CENPH: variants seen among roughly 807,000 people sequenced by gnomAD.
CENPH encodes CENP-H.
CENPH carries 40 observed loss-of-function variants against 42.9 expected under a neutral mutation model. The ratio of observed to expected loss-of-function variants is 0.93; its 90% CI spans 0.72 to 1.21. The LOEUF (loss-of-function observed/expected upper bound fraction) is 1.21. Among genes scored for constraint, CENPH ranks in the 50% most tolerant of loss-of-function variants. CENPH has a pLI of 0.00. For synonymous variants in CENPH, 88 were observed against 96.5 expected, an observed-to-expected ratio of 0.91 and a Z score of 0.52; for missense variants, 302 against 292.9, an observed-to-expected ratio of 1.03 and a Z score of -0.23.
intron 4 of CENPH, 86 bp from the exon 5 acceptor site, chr5:69,196,967 A>T (rs545574284): frequency 2.6e-5 from 21 of 800,734 alleles, no homozygotes; most frequent in Non-Finnish European, 4.2e-5. Context: ...TTTGAAGGGA[A>T]ATCAATCTTT....
chr5:69,193,116 A>AATATAT (rs373671258), intron 2 of CENPH, among the ~76,000 whole-genome samples: 1 of 150,036 alleles, frequency 6.7e-6, no homozygotes, highest in Non-Finnish European at 1.5e-5. Flanking sequence ...AAACAAACAA[A>AATATAT]ATATATATAT....
intron 2 of CENPH, 39 bp from the exon 3 acceptor site, chr5:69,194,608 C>G: frequency 7.7e-7 from 1 of 1,298,538 alleles, no homozygotes; most frequent in South Asian, 1.3e-5. Flanking sequence ...CAGCACCTCT[C>G]TAAAATGTTA....
chr5:69,204,097 A>G (rs931873089), intron 7 of CENPH, among the ~76,000 whole-genome samples: 2 of 130,848 alleles, frequency 1.5e-5, no homozygotes, highest in Non-Finnish European at 3.2e-5. Flanking sequence ...TAATTTCTAA[A>G]TGATCAAATG....
Position 69,203,389 on chromosome 5 carries a change from C to T in CENPH, c.487+419C>T, listed in dbSNP as rs2972376. The stretch of plus-strand genomic sequence containing the variant: ...TTAATATGGTATTTTTTTTTGGAGA[C>T]AGAATCTCACTCTGTCGCCCATGCT... On this transcript the variant is annotated intron_variant, in intron 7 of 8. Transcript: ENST00000283006. Among the ~76,000 whole-genome samples, 91 of 151,854 alleles carry T rather than the reference C, an allele frequency of 6.0e-4. 1 individual carries two copies. The East Asian group carries it at 0.015, about 26-fold the overall frequency.
Position 69,191,132 on chromosome 5 carries a change from C to G in CENPH, c.135-663C>G, listed in dbSNP as rs182044061. 2.0e-5 allele frequency among the ~76,000 whole-genome samples: 3 copies of G among 152,244 alleles called. No homozygotes were observed. The East Asian group carries it at 5.8e-4, about 29-fold the overall frequency. On this transcript the variant is annotated intron_variant, in intron 1 of 8. Coordinates refer to ENST00000283006, the MANE Select transcript of CENPH (RefSeq NM_022909.4). ...TTTTTCTGTATCTCCTGATAAAAAT[C>G]TGTGTTTGTAAATACAGTGGTTTGG...
intron 1 of CENPH, 22 bp downstream of exon 1, chr5:69,189,790 A>T (rs1230002816): frequency 3.5e-6 from 5 of 1,428,868 alleles, no homozygotes; most frequent in South Asian, 1.4e-5. Context: ...TGGCCTCCTC[A>T]GCCGGGGCCA....
In CENPH at chr5:69,189,722, G is replaced by T; in HGVS notation, c.88G>T (p.Gly30Cys). The T allele has an allele frequency of 6.4e-7, 1 of 1,558,632 alleles. No individual in the cohort carries two copies. Among genetic ancestry groups the T allele is most frequent in the East Asian group, 2.4e-5 (1 of 42,372 alleles). ...GRAGGPPQVA[G>C]AQAACSEDRM... ...GGCAGGCGGGCCACCGCAGGTCGCCGGCGCCCAGGCGGCGTGCAGCGAGGA... is the reference window on the plus strand; with the variant it reads ...GGCAGGCGGGCCACCGCAGGTCGCCTGCGCCCAGGCGGCGTGCAGCGAGGA... The change falls in exon 1 of 9, where the codon GGC becomes TGC. Residue 30 changes from glycine (G) to cysteine (C), a missense_variant. Physicochemically the swap from Gly to Cys is radical, Grantham distance 159. Coordinates refer to ENST00000283006, the MANE Select transcript of CENPH (RefSeq NM_022909.4).
chr5:69,198,289 T>C (rs868446302), intron 5 of CENPH, among the ~76,000 whole-genome samples: 5 of 152,016 alleles, frequency 3.3e-5, no homozygotes, highest in Middle Eastern at 3.4e-3. Flanking sequence ...ACCAGAAAAA[T>C]TCCTGCATGG....
At chr5:69,197,626 G>A (rs1394815403) in intron 5 of CENPH, 1 of 152,092 alleles carries the variant, frequency 6.6e-6, no homozygotes, top group African/African-American at 2.4e-5. Context: ...CACAGGAAGG[G>A]GAACATCACA....
intron 3 of CENPH, 42 bp downstream of exon 3, chr5:69,194,737 AT>A: frequency 8.4e-7 from 1 of 1,195,158 alleles, no homozygotes; most frequent in Non-Finnish European, 1.2e-6. Context: ...CTTTACTAAG[AT>A]TTAATCATAT....
chr5:69,207,588 A>G (rs1038983498), intron 7 of CENPH: 1 of 151,476 alleles, frequency 6.6e-6, no homozygotes, highest in African/African-American at 2.4e-5. Context: ...CGGGTGGATC[A>G]CTGGAGGTCA....
At chr5:69,194,777 C>G (rs1747936381) in intron 3 of CENPH, 82 bp downstream of exon 3, 1 of 875,340 alleles carries the variant, frequency 1.1e-6, no homozygotes, top group East Asian at 2.7e-5. Flanking sequence ...TAGATGGAGT[C>G]TCACTATCAT....
intron 5 of CENPH, among the ~76,000 whole-genome samples, chr5:69,201,789 G>T (rs1580227776): frequency 6.6e-6 from 1 of 152,196 alleles, no homozygotes; most frequent in Non-Finnish European, 1.5e-5. Flanking sequence ...AGCCCAGGAG[G>T]TGAGGTTGCA....
chr5:69,197,111 TATG>T lies in CENPH; in HGVS notation c.371+5_371+7del. On this transcript the variant is annotated splice_donor_5th_base_variant and intron_variant, in intron 5 of 8. Coordinates refer to ENST00000283006, the MANE Select transcript of CENPH (RefSeq NM_022909.4). ...GGAGAAAATTAGCAGACAGTCTAGG[TATG>T]ATTTTTTTTTTCTCTGGATTCGGTA... 6.4e-7 allele frequency: 1 copy of T among 1,558,438 alleles called. No homozygotes were observed. The highest frequency in any genetic ancestry group is 2.3e-5 in the East Asian group (1 of 43,078).
In CENPH at chr5:69,209,330, G is replaced by T. The variant is rs539976623; in HGVS notation, c.652-377G>T. On this transcript the variant is annotated intron_variant, in intron 8 of 8. Coordinates refer to ENST00000283006, the MANE Select transcript of CENPH (RefSeq NM_022909.4). ...GAGGTCAGGAGTTTGAGGCCAGCCT[G>T]GCCAAGAGACCAGCTGAGCCAATAC... Among the ~76,000 whole-genome samples the T allele has an allele frequency of 2.5e-4, 38 of 152,120 alleles. 1 individual carries two copies. Among genetic ancestry groups the T allele is most frequent in the South Asian group, 1.5e-3 (7 of 4,814 alleles).
chr5:69,189,737 T>A lies in CENPH; in HGVS notation c.103T>A (p.Cys35Ser). ...PPQVAGAQAA[C>S]SEDRMTLLLR... ...GCAGGTCGCCGGCGCCCAGGCGGCG[T>A]GCAGCGAGGACCGCATGACCCTGCT... The change falls in exon 1 of 9, where the codon TGC (cysteine) becomes AGC (serine). Residue 35 changes from cysteine to serine, a missense_variant. Transcript: ENST00000283006. The A allele has an allele frequency of 6.5e-7, 1 of 1,550,236 alleles. No individual in the cohort carries two copies. Among genetic ancestry groups the A allele is most frequent in the Non-Finnish European group, 8.7e-7 (1 of 1,151,254 alleles).
intron 1 of CENPH, among the ~76,000 whole-genome samples, chr5:69,190,184 A>G (rs185236763): frequency 6.6e-6 from 1 of 152,312 alleles, no homozygotes; most frequent in East Asian, 1.9e-4. Context: ...AATTCTACTA[A>G]GCGGACGGTG....
intron 5 of CENPH, among the ~76,000 whole-genome samples, chr5:69,201,785 G>A (rs1000623805): frequency 6.6e-6 from 1 of 152,204 alleles, no homozygotes; most frequent in Non-Finnish European, 1.5e-5. Flanking sequence ...CTTGAGCCCA[G>A]GAGGTGAGGT....
Position 69,195,728 on chromosome 5 carries a change from A to G in CENPH, c.251A>G (p.Asp84Gly), listed in dbSNP as rs746283408. 1.2e-5 allele frequency: 18 copies of G among 1,555,932 alleles called. No homozygotes were observed. Among genetic ancestry groups the G allele is most frequent in the African/African-American group, 2.8e-5 (2 of 72,644 alleles). ...QEKQIEAKIE[D>G]LENEIEEVKV... ...TGTTTCTTTGATAGTAAAATTGAAG[A>G]CCTGGAAAATGAAATTGAAGAGGTA... is the stretch of plus-strand genomic sequence containing the variant. Residue 84 changes from aspartate to glycine, a missense_variant, in exon 4 of 9, where the codon GAC becomes GGC. Transcript: ENST00000283006.
Sources: gnomAD v4.1 joint callset for allele counts (sites outside exome capture counted in the v4.1 genomes callset) on GRCh38, gnomAD v4.1.1 for gene constraint, MANE v1.5 for transcripts, NCBI Gene and HGNC (gene_info 2026-07-23, HGNC 2026-07-21) for gene names.